Variants in DSCAM observed in about 807,000 individuals in gnomAD.
DSCAM encodes cell adhesion molecule DSCAM.
A neutral mutation model predicts 217.7 loss-of-function variants in DSCAM; 47 were observed. The ratio of observed to expected loss-of-function variants is 0.22; its 90% CI spans 0.17 to 0.28. The LOEUF (loss-of-function observed/expected upper bound fraction) is 0.28. Ranked by LOEUF, DSCAM falls within the 10% of genes least tolerant of loss-of-function variation. The pLI, the probability that DSCAM is intolerant of heterozygous loss-of-function variation, is 1.00. For missense variants in DSCAM, 2,080 were observed against 2,618.3 expected (o/e 0.79, Z 4.49); for synonymous variants, 1,056 against 1,015.3 (o/e 1.04, Z -0.76).
chr21:40,700,285 G>A (rs550354461), intron 2 of DSCAM, among the ~76,000 whole-genome samples: 1 of 152,302 alleles, frequency 6.6e-6, no homozygotes, highest in South Asian at 2.1e-4. Context: ...ATTTGGGGGT[G>A]AAAACATTTC....
chr21:40,100,242 G>T (rs1447356651), intron 20 of DSCAM, among the ~76,000 whole-genome samples: 1 of 152,136 alleles, frequency 6.6e-6, no homozygotes, highest in Non-Finnish European at 1.5e-5. Context: ...AAGAAAAAAA[G>T]AGCAAAATGG....
chr21:40,228,281 C>T (rs917961216), intron 11 of DSCAM, among the ~76,000 whole-genome samples: 10 of 152,110 alleles, frequency 6.6e-5, no homozygotes, highest in African/African-American at 1.7e-4. Context: ...GGAAGGAAGT[C>T]GCTCTGCAAA....
intron 1 of DSCAM, among the ~76,000 whole-genome samples, chr21:40,766,692 C>CTTTT (rs1197034537): frequency 1.6e-4 from 15 of 92,602 alleles, no homozygotes; most frequent in Admixed American, 4.7e-4. Flanking sequence ...AAAAAAACAA[C>CTTTT]TTTTTTTTTT....
chr21:40,733,311 C>T (rs1217234776), intron 1 of DSCAM, among the ~76,000 whole-genome samples: 1 of 152,218 alleles, frequency 6.6e-6, no homozygotes, highest in Non-Finnish European at 1.5e-5. Context: ...CCTGCAGTTT[C>T]TTTTGCGGTT....
intron 11 of DSCAM, among the ~76,000 whole-genome samples, chr21:40,260,503 G>A (rs758985841): frequency 6.6e-6 from 1 of 152,180 alleles, no homozygotes; most frequent in Non-Finnish European, 1.5e-5. Context: ...CGTAGCTGTT[G>A]TCTTTGGATA....
chr21:40,533,263 T>C (rs2076463674), intron 3 of DSCAM, among the ~76,000 whole-genome samples: 1 of 152,242 alleles, frequency 6.6e-6, no homozygotes, highest in Admixed American at 6.5e-5. Flanking sequence ...TGTGAATGCA[T>C]GTAAGAATAA....
At chr21:40,648,145 C>A (rs900936301) in intron 3 of DSCAM, among the ~76,000 whole-genome samples, 4 of 152,090 alleles carry the variant, frequency 2.6e-5, no homozygotes, top group African/African-American at 7.2e-5. Flanking sequence ...TCAATAACTG[C>A]TGTGCTGCAT....
At chr21:40,068,914 C>T (rs933127240) in intron 27 of DSCAM, among the ~76,000 whole-genome samples, 1 of 151,826 alleles carries the variant, frequency 6.6e-6, no homozygotes, top group Admixed American at 6.6e-5. Flanking sequence ...GGAGAAACCC[C>T]GTCTCTACTA....
chr21:40,705,793 C>A (rs935570003), intron 2 of DSCAM, among the ~76,000 whole-genome samples: 1 of 152,146 alleles, frequency 6.6e-6, no homozygotes, highest in Non-Finnish European at 1.5e-5. Flanking sequence ...ACCCTATCAG[C>A]CTCAGGACAC....
intron 1 of DSCAM, among the ~76,000 whole-genome samples, chr21:40,756,110 ATGGGGG>A (rs2091273535): frequency 6.6e-6 from 1 of 152,182 alleles, no homozygotes; most frequent in Non-Finnish European, 1.5e-5. Context: ...TGACTGAATC[ATGGGGG>A]TGGATTTCTC....
At chr21:40,181,286 T>C (rs1174171800) in intron 14 of DSCAM, among the ~76,000 whole-genome samples, 2 of 152,148 alleles carry the variant, frequency 1.3e-5, no homozygotes, top group East Asian at 3.9e-4. Flanking sequence ...TTTTCAAACG[T>C]GACTTCTGTG....
intron 11 of DSCAM, among the ~76,000 whole-genome samples, chr21:40,210,379 A>G (rs1358581927): frequency 6.6e-6 from 1 of 152,168 alleles, no homozygotes; most frequent in African/African-American, 2.4e-5. Context: ...AAGTTTTGCA[A>G]TACAGACTCC....
intron 11 of DSCAM, among the ~76,000 whole-genome samples, chr21:40,215,404 A>G (rs1421765464): frequency 6.6e-6 from 1 of 152,080 alleles, no homozygotes; most frequent in Non-Finnish European, 1.5e-5. Flanking sequence ...AAAAAATCAT[A>G]AAAGCAAGAC....
At chr21:40,333,800 G>T (rs982113187) in intron 8 of DSCAM, among the ~76,000 whole-genome samples, 1 of 152,128 alleles carries the variant, frequency 6.6e-6, no homozygotes, top group Non-Finnish European at 1.5e-5. Context: ...CCATTCTTCT[G>T]CCTGAGTCTC....
At chr21:40,356,736 G>A (rs2123659734) in intron 4 of DSCAM, among the ~76,000 whole-genome samples, 1 of 152,274 alleles carries the variant, frequency 6.6e-6, no homozygotes, top group Admixed American at 6.5e-5. Context: ...TGAAACTGAA[G>A]CTGGCAAACC....
chr21:40,411,173 T>C (rs2075319419), intron 3 of DSCAM, among the ~76,000 whole-genome samples: 1 of 134,788 alleles, frequency 7.4e-6, no homozygotes. Flanking sequence ...ACAGTAATTA[T>C]ATACACACAC....
intron 11 of DSCAM, among the ~76,000 whole-genome samples, chr21:40,220,747 T>A (rs891141287): frequency 1.3e-5 from 2 of 152,184 alleles, no homozygotes; most frequent in African/African-American, 4.8e-5. Flanking sequence ...GGACACAATT[T>A]ATTTCCTTGT....
At chr21:40,074,242 C>T (rs1055490186) in intron 27 of DSCAM, among the ~76,000 whole-genome samples, 2 of 152,230 alleles carry the variant, frequency 1.3e-5, no homozygotes, top group African/African-American at 4.8e-5. Context: ...TAGCAGTATC[C>T]CACACTGCAC....
At chr21:40,507,088 C>G (rs1353220327) in intron 3 of DSCAM, among the ~76,000 whole-genome samples, 1 of 151,968 alleles carries the variant, frequency 6.6e-6, no homozygotes, top group Admixed American at 6.5e-5. Flanking sequence ...ACCAGCCTGA[C>G]CAACATGGTG....
Sources: allele counts gnomAD v4.1 joint callset (sites outside exome capture counted in the v4.1 genomes callset), GRCh38; gene constraint gnomAD v4.1.1; transcripts MANE v1.5; gene names NCBI Gene and HGNC (gene_info 2026-07-23, HGNC 2026-07-21).